The following CFAP54 variants were observed in gnomAD, a reference collection of about 807,000 sequenced individuals.
CFAP54 encodes cilia- and flagella-associated protein 54.
In CFAP54, 290 loss-of-function variants were observed where a neutral mutation model predicts 370.4. That is an observed-to-expected ratio of 0.78 (90% CI 0.71 to 0.86). The LOEUF (loss-of-function observed/expected upper bound fraction) is 0.86, where lower values mean the gene tolerates loss of function less well. CFAP54 is among the 40% of genes least tolerant of loss of function. CFAP54 has a pLI of 0.00. For missense variants in CFAP54, 3,399 were observed against 3,528.7 expected (o/e 0.96, Z 0.93); for synonymous variants, 1,206 against 1,236.5 (o/e 0.98, Z 0.52).
chr12:96,691,051 C>A, intron 43 of CFAP54, 77 bp from the exon 44 acceptor site: 1 of 1,263,354 alleles, frequency 7.9e-7, no homozygotes, highest in Non-Finnish European at 1.1e-6. Flanking sequence ...TAAAGCAATA[C>A]ATGTATTTAT....
chr12:96,507,280 G>A (rs902018927), intron 4 of CFAP54, among the ~76,000 whole-genome samples, 181 bp downstream of exon 4: 4 of 152,156 alleles, frequency 2.6e-5, no homozygotes, highest in African/African-American at 7.2e-5. Flanking sequence ...GATAAAGCAT[G>A]TCTTTGGGTT....
At chr12:96,553,595 C>A (rs1955721339) in intron 15 of CFAP54, among the ~76,000 whole-genome samples, 1 of 147,096 alleles carries the variant, frequency 6.8e-6, no homozygotes, top group Non-Finnish European at 1.5e-5. Context: ...ATGCATATAT[C>A]TGTATGCTTT....
At chr12:96,823,180 C>A (rs1489253279) in intron 65 of CFAP54, among the ~76,000 whole-genome samples, 3 of 151,968 alleles carry the variant, frequency 2.0e-5, no homozygotes, top group African/African-American at 7.3e-5. Context: ...TTGAGCTAGA[C>A]TTTGTGCTTG....
intron 19 of CFAP54, among the ~76,000 whole-genome samples, chr12:96,572,087 T>C (rs949209520): frequency 1.3e-5 from 2 of 152,206 alleles, no homozygotes; most frequent in African/African-American, 4.8e-5. Context: ...TAAAAGACAC[T>C]GTAATAAAGA....
At chr12:96,818,153 C>T (rs544722382) in intron 65 of CFAP54, among the ~76,000 whole-genome samples, 6 of 152,284 alleles carry the variant, frequency 3.9e-5, no homozygotes, top group Admixed American at 3.9e-4. Context: ...CCAGATAAAT[C>T]GTTCAGCTAT....
At chr12:96,539,510 A>G (rs1026780278) in intron 13 of CFAP54, among the ~76,000 whole-genome samples, 10 of 151,966 alleles carry the variant, frequency 6.6e-5, no homozygotes, top group African/African-American at 2.4e-4. Flanking sequence ...CCCCGTCTCT[A>G]CTAAAAATAC....
chr12:96,723,818 T>G, intron 50 of CFAP54, among the ~76,000 whole-genome samples: 1 of 113,022 alleles, frequency 8.8e-6, no homozygotes, highest in Non-Finnish European at 1.8e-5. Context: ...CCTAATGCTA[T>G]CCCTCCCCCC....
chr12:96,798,143 T>C (rs963227234), intron 63 of CFAP54, among the ~76,000 whole-genome samples: 1 of 152,072 alleles, frequency 6.6e-6, no homozygotes, highest in African/African-American at 2.4e-5. Flanking sequence ...TTTGTTTTTC[T>C]TGTTTTATAC....
intron 32 of CFAP54, among the ~76,000 whole-genome samples, chr12:96,632,098 G>A (rs1956616097): frequency 6.6e-6 from 1 of 151,760 alleles, no homozygotes; most frequent in Admixed American, 6.6e-5. Context: ...CTAAGGTTAG[G>A]CATCTTTTCA....
At chr12:96,574,596 A>C (rs1955956725) in intron 19 of CFAP54, among the ~76,000 whole-genome samples, 3 of 152,040 alleles carry the variant, frequency 2.0e-5, no homozygotes, top group Admixed American at 2.0e-4. Context: ...AATGTTTGAA[A>C]TGTCTTTTTG....
At chr12:96,708,444 C>A (rs908014076) in intron 47 of CFAP54, among the ~76,000 whole-genome samples, 164 bp from the exon 48 acceptor site, 6 of 152,206 alleles carry the variant, frequency 3.9e-5, no homozygotes, top group Admixed American at 2.0e-4. Context: ...GAGATGGTTC[C>A]GATGTTACAT....
At chr12:96,583,074 ACTTGG>A (rs932308655) in intron 22 of CFAP54, among the ~76,000 whole-genome samples, 5 of 152,100 alleles carry the variant, frequency 3.3e-5, no homozygotes, top group Non-Finnish European at 5.9e-5. Flanking sequence ...CCTGTGATTA[ACTTGG>A]CTTTTGGGAC....
chr12:96,853,091 A>G (rs947720394), intron 66 of CFAP54, among the ~76,000 whole-genome samples: 2 of 152,158 alleles, frequency 1.3e-5, no homozygotes, highest in Admixed American at 1.3e-4. Context: ...ATATACATGT[A>G]CCTGGTGTAT....
intron 48 of CFAP54, among the ~76,000 whole-genome samples, chr12:96,712,211 G>A (rs1034120183): frequency 5.9e-5 from 9 of 151,626 alleles, no homozygotes; most frequent in South Asian, 2.1e-4. Flanking sequence ...TACTTACTGC[G>A]TTTCAGACTT....
chr12:96,588,247 A>G (rs768973159), intron 22 of CFAP54, among the ~76,000 whole-genome samples: 9 of 151,750 alleles, frequency 5.9e-5, no homozygotes, highest in Non-Finnish European at 1.0e-4. Context: ...AATGTATTTT[A>G]GAGTCATTTC....
intron 8 of CFAP54, 105 bp from the exon 9 acceptor site, chr12:96,527,141 C>T: frequency 2.0e-6 from 2 of 1,007,134 alleles, no homozygotes; most frequent in South Asian, 4.5e-5. Flanking sequence ...AAGCAATCCT[C>T]CTGCCTTGGC....
At chr12:96,607,556 G>GCTTGTCT (rs1221818422) in intron 26 of CFAP54, among the ~76,000 whole-genome samples, 1 of 152,140 alleles carries the variant, frequency 6.6e-6, no homozygotes, top group Admixed American at 6.5e-5. Context: ...GGTGGTAAAT[G>GCTTGTCT]AATTCAAAAG....
intron 66 of CFAP54, among the ~76,000 whole-genome samples, chr12:96,838,401 A>G (rs1959193088): frequency 6.6e-6 from 1 of 152,160 alleles, no homozygotes; most frequent in Admixed American, 6.5e-5. Flanking sequence ...GTCCATTTTG[A>G]TACTGCTATA....
intron 19 of CFAP54, among the ~76,000 whole-genome samples, chr12:96,568,843 A>C (rs908179615): frequency 9.9e-5 from 15 of 151,534 alleles, no homozygotes; most frequent in Middle Eastern, 3.2e-3. Flanking sequence ...GGACCAATTT[A>C]TTCCCACAAA....
Sources: gnomAD v4.1 joint callset for allele counts (sites outside exome capture counted in the v4.1 genomes callset) on GRCh38, gnomAD v4.1.1 for gene constraint, MANE v1.5 for transcripts, NCBI Gene and HGNC (gene_info 2026-07-23, HGNC 2026-07-21) for gene names.